The following AXDND1 variants were observed in gnomAD, a reference collection of about 807,000 sequenced individuals.
AXDND1 encodes the protein axonemal dynein light chain domain containing 1.
A neutral mutation model predicts 137.5 loss-of-function variants in AXDND1; 110 were observed. That is an observed-to-expected ratio of 0.80 (90% confidence interval 0.69 to 0.94). AXDND1 has a LOEUF of 0.94. Ranked by LOEUF, AXDND1 falls within the 40% of genes least tolerant of loss-of-function variation. AXDND1 has a pLI of 0.00. For synonymous variants in AXDND1, 414 were observed against 399.7 expected (o/e 1.04, Z -0.43); for missense variants, 1,191 against 1,169.8 (o/e 1.02, Z -0.26).
intron 12 of AXDND1, among the ~76,000 whole-genome samples, chr1:179,417,093 T>C (rs1210650698): frequency 6.6e-6 from 1 of 152,204 alleles, no homozygotes; most frequent in African/African-American, 2.4e-5. Flanking sequence ...ATTACTGATG[T>C]TGAGCATTTT....
Position 179,425,930 on chromosome 1 carries a change from G to C in AXDND1, c.1231-3588G>C, listed in dbSNP as rs568471812. The stretch of plus-strand genomic sequence containing the variant: ...CGGCTCACTGCAACCTCTGCCTCCC[G>C]GGTTCAAGCGATTCTCCTGCCACAG... On this transcript the variant is annotated intron_variant, in intron 12 of 25. Transcript: ENST00000367618. Among the ~76,000 whole-genome samples the C allele has an allele frequency of 1.8e-4, 27 of 150,388 alleles. 1 individual carries two copies. The highest frequency in any genetic ancestry group is 6.6e-4 in the African/African-American group (27 of 40,764).
chr1:179,428,240 G>C (rs1015543051), intron 12 of AXDND1, among the ~76,000 whole-genome samples: 13 of 152,132 alleles, frequency 8.5e-5, no homozygotes, highest in Non-Finnish European at 8.8e-5. Flanking sequence ...ATGTTCAGTG[G>C]AGAAAAAAGA....
intron 17 of AXDND1, among the ~76,000 whole-genome samples, chr1:179,482,251 A>G (rs542376959): frequency 1.3e-5 from 2 of 152,150 alleles, no homozygotes; most frequent in East Asian, 3.9e-4. Context: ...AGGGGAAAGT[A>G]GCAGCCTGAG....
intron 16 of AXDND1, among the ~76,000 whole-genome samples, chr1:179,459,372 A>T (rs1414296855): frequency 6.6e-6 from 1 of 152,166 alleles, no homozygotes; most frequent in Non-Finnish European, 1.5e-5. Context: ...TTCATAATAT[A>T]ATTCTTCTAA....
chr1:179,511,767 G>A (rs111672820), intron 21 of AXDND1, among the ~76,000 whole-genome samples: 18 of 152,080 alleles, frequency 1.2e-4, no homozygotes, highest in African/African-American at 3.9e-4. Flanking sequence ...TGCAGGAGTA[G>A]GGTGGTATTG....
intron 17 of AXDND1, among the ~76,000 whole-genome samples, chr1:179,470,917 T>A (rs1390737343): frequency 6.6e-6 from 1 of 152,126 alleles, no homozygotes; most frequent in Non-Finnish European, 1.5e-5. Flanking sequence ...ATTTAGGAAG[T>A]TTTCTTCTAT....
intron 17 of AXDND1, among the ~76,000 whole-genome samples, chr1:179,477,839 A>G (rs899078806): frequency 1.3e-5 from 2 of 152,236 alleles, no homozygotes; most frequent in Non-Finnish European, 2.9e-5. Flanking sequence ...GTAAGCCTGT[A>G]AAATCAAAAG....
intron 20 of AXDND1, among the ~76,000 whole-genome samples, chr1:179,496,929 A>G (rs1667502121): frequency 6.6e-6 from 1 of 152,018 alleles, no homozygotes; most frequent in Non-Finnish European, 1.5e-5. Flanking sequence ...ACATTTTAAT[A>G]TCCATTTTGC....
intron 20 of AXDND1, among the ~76,000 whole-genome samples, chr1:179,508,477 A>C (rs1668734960): frequency 6.6e-6 from 1 of 152,172 alleles, no homozygotes; most frequent in South Asian, 2.1e-4. Flanking sequence ...GTTCCCAGAG[A>C]GGACAACGTT....
chr1:179,369,084 T>C (rs1417486245), intron 3 of AXDND1, 112 bp downstream of exon 3: 1 of 1,115,846 alleles, frequency 9.0e-7, no homozygotes, highest in African/African-American at 1.6e-5. Flanking sequence ...TTAAAAATTT[T>C]AAGATTGATT....
chr1:179,523,259 G>T (rs1344709949), intron 21 of AXDND1, among the ~76,000 whole-genome samples: 1 of 144,472 alleles, frequency 6.9e-6, no homozygotes, highest in African/African-American at 2.6e-5. Context: ...TTTTTTTTGA[G>T]GCAGCAATTT....
At chr1:179,421,071 TC>T (rs1655626846) in intron 12 of AXDND1, among the ~76,000 whole-genome samples, 2 of 151,088 alleles carry the variant, frequency 1.3e-5, no homozygotes, top group East Asian at 3.9e-4. Context: ...CTTCCTTCCT[TC>T]CTTCCTTCCT....
chr1:179,463,098 G>A (rs1662597682), intron 16 of AXDND1, among the ~76,000 whole-genome samples: 1 of 152,052 alleles, frequency 6.6e-6, no homozygotes, highest in African/African-American at 2.4e-5. Context: ...TTTCTGAAGG[G>A]TTTTTTGTGT....
In AXDND1 at chr1:179,393,945, G is replaced by A; in HGVS notation, c.906G>A (p.Met302Ile). ...TGCTTGACCAGATTGCTCGGCAGAT[G>A]ATTGATTTCTACAAAGACTTGGTAA... ...VQMLDQIARQ[M>I]IDFYKDLVTQ... The change falls in exon 10 of 26, where the codon ATG becomes ATA. Residue 302 changes from methionine (M) to isoleucine (I), a missense_variant. Transcript: ENST00000367618. 6.2e-7 allele frequency: 1 copy of A among 1,612,366 alleles called. No homozygotes were observed. The highest frequency in any genetic ancestry group is 8.5e-7 in the Non-Finnish European group (1 of 1,179,426).
At chr1:179,502,720 C>T (rs771931238) in intron 20 of AXDND1, among the ~76,000 whole-genome samples, 1 of 151,940 alleles carries the variant, frequency 6.6e-6, no homozygotes, top group Non-Finnish European at 1.5e-5. Flanking sequence ...AGTTGCAACA[C>T]ACTTTGCAAC....
chr1:179,411,956 A>G (rs897425060), intron 12 of AXDND1, among the ~76,000 whole-genome samples: 6 of 151,918 alleles, frequency 3.9e-5, no homozygotes, highest in South Asian at 4.2e-4. Flanking sequence ...GGCTCAAGCA[A>G]TTCTCCCACC....
At chr1:179,534,607 TC>T in intron 24 of AXDND1, 122 bp from the exon 25 acceptor site, 1 of 1,271,504 alleles carries the variant, frequency 7.9e-7, no homozygotes, top group Non-Finnish European at 1.0e-6. Flanking sequence ...TGCTGTTGCT[TC>T]CCTTATTTCT....
chr1:179,437,069 G>GAA (rs35702478), intron 15 of AXDND1, among the ~76,000 whole-genome samples: 92 of 100,706 alleles, frequency 9.1e-4, no homozygotes, highest in Non-Finnish European at 1.4e-3. Context: ...GACACTCACT[G>GAA]AAAAAAAAAA....
At chr1:179,404,516 C>T (rs1327345056) in intron 11 of AXDND1, among the ~76,000 whole-genome samples, 1 of 152,138 alleles carries the variant, frequency 6.6e-6, no homozygotes, top group Non-Finnish European at 1.5e-5. Context: ...GCCACCACAC[C>T]TGGCTGAGCT....
Sources: gnomAD v4.1 joint callset for allele counts (sites outside exome capture counted in the v4.1 genomes callset) on GRCh38, gnomAD v4.1.1 for gene constraint, MANE v1.5 for transcripts, NCBI Gene and HGNC (gene_info 2026-07-23, HGNC 2026-07-21) for gene names.